TAF4: variants seen among roughly 807,000 people sequenced by gnomAD.
TAF4 encodes the protein transcription initiation factor TFIID subunit 4.
Under a neutral mutation model 90.3 loss-of-function variants are expected in TAF4, and 9 were observed. That is an observed-to-expected ratio of 0.10 (90% CI 0.06 to 0.17). The LOEUF (loss-of-function observed/expected upper bound fraction) is 0.17. Among genes scored for constraint, TAF4 ranks in the 10% least tolerant of loss-of-function variants. The pLI, the probability that TAF4 is intolerant of heterozygous loss-of-function variation, is 1.00. For missense variants in TAF4, 1,351 were observed against 1,370.7 expected, an observed-to-expected ratio of 0.99 and a Z score of 0.23; for synonymous variants, 818 against 638.9, an observed-to-expected ratio of 1.28 and a Z score of -4.23.
chr20:62,063,857 G>A (rs2056104565), intron 1 of TAF4, among the ~76,000 whole-genome samples: 1 of 152,270 alleles, frequency 6.6e-6, no homozygotes, highest in Non-Finnish European at 1.5e-5. Context: ...CCTGGTGGCA[G>A]CAGAGGAGCC....
intron 1 of TAF4, among the ~76,000 whole-genome samples, chr20:62,025,041 C>G (rs1360070287): frequency 6.6e-6 from 1 of 152,216 alleles, no homozygotes; most frequent in Non-Finnish European, 1.5e-5. Flanking sequence ...CTAAAAAGAT[C>G]AGGTGCTCTC....
intron 1 of TAF4, among the ~76,000 whole-genome samples, chr20:62,056,576 G>A (rs922759146): frequency 6.6e-6 from 1 of 152,150 alleles, no homozygotes; most frequent in Non-Finnish European, 1.5e-5. Flanking sequence ...CCAAATGCTG[G>A]AGCCTGAGAC....
At chr20:62,021,999 C>T (rs2145485503) in intron 1 of TAF4, among the ~76,000 whole-genome samples, 1 of 152,274 alleles carries the variant, frequency 6.6e-6, no homozygotes, top group African/African-American at 2.4e-5. Flanking sequence ...CAGCGGCGGA[C>T]AGCATCAGAG....
intron 1 of TAF4, among the ~76,000 whole-genome samples, chr20:62,015,825 C>T (rs2055809129): frequency 6.6e-6 from 1 of 152,238 alleles, no homozygotes; most frequent in African/African-American, 2.4e-5. Context: ...TCGGCTCCAG[C>T]TCTTTCGAAA....
At chr20:62,045,492 C>T (rs567886972) in intron 1 of TAF4, among the ~76,000 whole-genome samples, 3 of 152,390 alleles carry the variant, frequency 2.0e-5, no homozygotes, top group African/African-American at 7.2e-5. Context: ...ACCAGCGATG[C>T]TGCCTGAGCC....
At chr20:62,035,097 G>T (rs1425593747) in intron 1 of TAF4, among the ~76,000 whole-genome samples, 2 of 152,164 alleles carry the variant, frequency 1.3e-5, no homozygotes, top group Admixed American at 1.3e-4. Flanking sequence ...TAGGATTACA[G>T]GCGTGAGCCA....
chr20:62,025,039 A>C (rs1249324334), intron 1 of TAF4, among the ~76,000 whole-genome samples: 1 of 152,192 alleles, frequency 6.6e-6, no homozygotes, highest in Admixed American at 6.5e-5. Flanking sequence ...AACTAAAAAG[A>C]TCAGGTGCTC....
At chr20:62,007,902 T>TA in intron 5 of TAF4, 1 of 353,026 alleles carries the variant, frequency 2.8e-6, no homozygotes, top group Non-Finnish European at 5.2e-6. Context: ...CTAAGTCTCT[T>TA]ACTCAATGCC....
At chr20:62,009,447 C>T (rs368666677) in intron 4 of TAF4, among the ~76,000 whole-genome samples, 2 of 152,236 alleles carry the variant, frequency 1.3e-5, no homozygotes, top group Admixed American at 1.3e-4. Context: ...AAAAGAGACT[C>T]TGCGAAGATG....
chr20:62,062,696 G>A (rs992028299), intron 1 of TAF4, among the ~76,000 whole-genome samples: 2 of 152,176 alleles, frequency 1.3e-5, no homozygotes, highest in East Asian at 1.9e-4. Flanking sequence ...ACAGAAGATG[G>A]AAGTGAGTCC....
intron 14 of TAF4, among the ~76,000 whole-genome samples, chr20:61,987,031 C>T (rs960897228): frequency 6.6e-6 from 1 of 152,186 alleles, no homozygotes; most frequent in East Asian, 1.9e-4. Context: ...AAGAGTAACT[C>T]GACAATGGAG....
At chr20:62,032,109 T>A (rs2055907673) in intron 1 of TAF4, among the ~76,000 whole-genome samples, 1 of 152,232 alleles carries the variant, frequency 6.6e-6, no homozygotes, top group African/African-American at 2.4e-5. Flanking sequence ...AGACTTCACA[T>A]ATTTGGATAC....
rs1568947255 is a variant in TAF4 at position 62,065,231 on chromosome 20, C to T, written c.580G>A (p.Ala194Thr). Residue 194 changes from alanine to threonine, a missense_variant, in exon 1 of 15, where the codon GCC becomes ACC. Physicochemically the swap from Ala to Thr is moderately conservative, Grantham distance 58. Around this residue, in one of 9 missense-constraint regions of TAF4, gnomAD observed 782 missense variants for 536.6 expected, o/e 1.46. Transcript: ENST00000252996. ...GCGCTCCCATTCAAAGTTTGCGCGG[C>T]GCCGGGGCCGGCGGGCTTGCCAGGG... ...PGPGKPAGPG[A>T]AQTLNGSAAL... 2 of 1,113,222 alleles carry T rather than the reference C, an allele frequency of 1.8e-6. No individual in the cohort carries two copies. Among genetic ancestry groups the T allele is most frequent in the Admixed American group, 7.3e-5 (2 of 27,226 alleles). 69.0% of individuals were successfully genotyped at this position (1,113,222 alleles called of 1,614,324 possible). A position where few individuals can be genotyped will look rare whatever the true frequency, so the allele number is the denominator to read the frequency against.
chr20:62,064,732 G>T lies in TAF4; in HGVS notation c.1079C>A (p.Thr360Asn), dbSNP rs112320666. The T allele has an allele frequency of 1.7e-6, 2 of 1,205,084 alleles. No homozygotes were observed. The highest frequency in any genetic ancestry group is 3.4e-5 in the South Asian group (1 of 29,378). 74.6% of individuals were successfully genotyped at this position (1,205,084 alleles called of 1,614,324 possible). A position where few individuals can be genotyped will look rare whatever the true frequency, so the allele number is the denominator to read the frequency against. ...VVQAAPPAAQ[T>N]LAASGPASTA... Reference sequence around the variant, plus strand: ...GCTGGCCGGGCCGCTGGCCGCCAGGGTCTGCGCCGCCGGGGGCGCCGCCTG... The same window carrying T: ...GCTGGCCGGGCCGCTGGCCGCCAGGTTCTGCGCCGCCGGGGGCGCCGCCTG... The change falls in exon 1 of 15, where the codon ACC (threonine) becomes AAC (asparagine). Residue 360 changes from threonine to asparagine, a missense_variant. Around this residue, in one of 9 missense-constraint regions of TAF4, gnomAD observed 782 missense variants for 536.6 expected, o/e 1.46. Transcript: ENST00000252996.
rs2123089695 is a variant in TAF4 at position 61,979,536 on chromosome 20, AGGCGCCATGGCCACTCCAGAGGGACTGCG to A, written c.3091-3230_3091-3202del. Among the ~76,000 whole-genome samples the A allele has an allele frequency of 6.9e-5, 10 of 144,318 alleles. No individual in the cohort carries two copies. In the South Asian group the frequency reaches 2.2e-3, roughly 32 times the overall value. 94.7% of individuals were successfully genotyped at this position (144,318 alleles called of 152,430 possible). A position where few individuals can be genotyped will look rare whatever the true frequency, so the allele number is the denominator to read the frequency against. ...ACTCCAGAGGGACTGCGGCCCGTGC[AGGCGCCATGGCCACTCCAGAGGGACTGCG>A]GCCCATGCAGGCGCGACGGCCTCTA... is the stretch of plus-strand genomic sequence containing the variant. On this transcript the variant is annotated intron_variant, in intron 14 of 14. Coordinates refer to ENST00000252996, the MANE Select transcript of TAF4 (RefSeq NM_003185.4).
intron 1 of TAF4, among the ~76,000 whole-genome samples, chr20:62,018,731 C>T (rs2123157789): frequency 6.6e-6 from 1 of 152,362 alleles, no homozygotes; most frequent in Non-Finnish European, 1.5e-5. Context: ...GATACAGAGG[C>T]ACAACCGGCT....
At chr20:61,996,202 T>C (rs1162098351) in intron 14 of TAF4, among the ~76,000 whole-genome samples, 1 of 152,034 alleles carries the variant, frequency 6.6e-6, no homozygotes, top group African/African-American at 2.4e-5. Context: ...GGTGAGACCC[T>C]GTCTCTACGA....
intron 7 of TAF4, chr20:62,005,004 C>T (rs893446010): frequency 2.6e-5 from 4 of 152,304 alleles, no homozygotes; most frequent in Non-Finnish European, 4.4e-5. Flanking sequence ...TTAGTCGCTA[C>T]CATTTTGCAA....
At chr20:61,993,237 C>T (rs1319154680) in intron 14 of TAF4, among the ~76,000 whole-genome samples, 1 of 152,206 alleles carries the variant, frequency 6.6e-6, no homozygotes, top group Non-Finnish European at 1.5e-5. Context: ...CCACCGTCCC[C>T]GGGGCGCACA....
Sources: gnomAD v4.1 joint callset for allele counts (sites outside exome capture counted in the v4.1 genomes callset) on GRCh38, gnomAD v4.1.1 for gene constraint, gnomAD v4.1.1 regional missense constraint, MANE v1.5 for transcripts, NCBI Gene and HGNC (gene_info 2026-07-23, HGNC 2026-07-21) for gene names.